Variants in SAV1 observed in about 807,000 individuals in gnomAD.
The protein encoded by SAV1 is salvador family WW domain containing protein 1.
Under a neutral mutation model 47.3 loss-of-function variants are expected in SAV1, and 23 were observed. The ratio of observed to expected loss-of-function variants is 0.49; its 90% CI spans 0.35 to 0.69. The LOEUF is 0.69. SAV1 is among the 30% of genes least tolerant of loss of function. The pLI, the probability that SAV1 is intolerant of heterozygous loss-of-function variation, is 0.01. For synonymous variants in SAV1, 155 were observed against 159.2 expected (o/e 0.97, Z 0.20); for missense variants, 448 against 457.4 (o/e 0.98, Z 0.19).
At chr14:50,660,509 CAT>C (rs137921516) in intron 2 of SAV1, among the ~76,000 whole-genome samples, 2,028 of 152,222 alleles carry the variant, frequency 0.013, 34 homozygotes, top group African/African-American at 0.042. Context: ...ATTATTTGCA[CAT>C]GTTTATGGGG....
rs1414613719 is a variant in SAV1 at position 50,665,474 on chromosome 14, T to C, written c.240A>G (p.Arg80=). 13 of 1,614,024 alleles carry C rather than the reference T, an allele frequency of 8.1e-6. No individual in the cohort carries two copies. The highest frequency in any genetic ancestry group is 1.1e-5 in the Non-Finnish European group (13 of 1,179,920). The change falls in exon 2 of 5, where the codon AGA becomes AGG. Residue 80 remains arginine (R), a synonymous_variant. Coordinates refer to ENST00000324679, the MANE Select transcript of SAV1 (RefSeq NM_021818.4). Reference sequence around the variant, plus strand: ...CTCTTCTCATTATTTCATGAGGTGTTCTTTGAATTGGAGTTCTAAGGAAAC... The same window carrying C: ...CTCTTCTCATTATTTCATGAGGTGTCCTTTGAATTGGAGTTCTAAGGAAAC... ...NQSFLRTPIQ[R]TPHEIMRRES... is the part of the protein sequence containing the mutation.
chr14:50,667,534 T>C (rs1305009756), intron 1 of SAV1: 2 of 486,802 alleles, frequency 4.1e-6, no homozygotes, highest in East Asian at 5.9e-5. Context: ...GTCTAATTAC[T>C]TTTACTCCTA....
intron 2 of SAV1, among the ~76,000 whole-genome samples, chr14:50,658,485 C>T (rs1413735159): frequency 2.0e-5 from 3 of 152,060 alleles, no homozygotes; most frequent in Non-Finnish European, 4.4e-5. Context: ...TACAGCTAAA[C>T]GTAGAACTTT....
intron 2 of SAV1, among the ~76,000 whole-genome samples, chr14:50,659,621 G>C (rs944260818): frequency 6.6e-6 from 1 of 152,212 alleles, no homozygotes; most frequent in Non-Finnish European, 1.5e-5. Flanking sequence ...GGCCAAGGCA[G>C]GCAGATTGCT....
intron 2 of SAV1, among the ~76,000 whole-genome samples, chr14:50,646,870 A>G (rs569679127): frequency 6.6e-6 from 1 of 152,326 alleles, no homozygotes; most frequent in East Asian, 1.9e-4. Flanking sequence ...AAGCTACATT[A>G]ATCAAGACAG....
At chr14:50,660,392 CTT>C (rs1336078355) in intron 2 of SAV1, among the ~76,000 whole-genome samples, 1 of 151,930 alleles carries the variant, frequency 6.6e-6, no homozygotes, top group African/African-American at 2.4e-5. Flanking sequence ...TAATTAAACT[CTT>C]TCTTCTTTAC....
At chr14:50,666,795 AAC>A (rs1354068980) in intron 1 of SAV1, among the ~76,000 whole-genome samples, 12 of 151,414 alleles carry the variant, frequency 7.9e-5, no homozygotes, top group South Asian at 4.5e-4. Context: ...AAAAAAAAAA[AAC>A]AACTTAAAAA....
chr14:50,657,188 C>A (rs1189596079), intron 2 of SAV1, among the ~76,000 whole-genome samples: 1 of 152,132 alleles, frequency 6.6e-6, no homozygotes, highest in Non-Finnish European at 1.5e-5. Context: ...GCACACACCA[C>A]CATGCCCAGC....
chr14:50,633,981 T>TA lies in SAV1; in HGVS notation c.*1201dup, dbSNP rs1421827339. ...AAACTGGGAGGGAAATATATGGTGT[T>TA]AAAGTCCTGTGATAAATACTTAGAA... On this transcript the variant is annotated 3_prime_UTR_variant, in exon 5 of 5. Transcript: ENST00000324679. 4.4e-6 allele frequency: 1 copy of TA among 226,152 alleles called. No homozygotes were observed. The highest frequency in any genetic ancestry group is 9.5e-6 in the Non-Finnish European group (1 of 105,632). 14.0% of individuals were successfully genotyped at this position (226,152 alleles called of 1,614,324 possible).
intron 2 of SAV1, among the ~76,000 whole-genome samples, chr14:50,655,906 A>T (rs373074049): frequency 2.8e-4 from 43 of 152,186 alleles, no homozygotes; most frequent in East Asian, 2.7e-3. Context: ...TTAGCCGGGC[A>T]TGGTGGCATA....
rs1425528761 is a variant in SAV1 at position 50,668,141 on chromosome 14, T to G, written c.-174A>C. On this transcript the variant is annotated 5_prime_UTR_variant, in exon 1 of 5. Coordinates refer to ENST00000324679, the MANE Select transcript of SAV1 (RefSeq NM_021818.4). Reference sequence around the variant, plus strand: ...GTCGCCCGCAGGGACTGCCGCATGTTCAGGGCGCTAAGCGCGCCGGCCGCC... The same window carrying G: ...GTCGCCCGCAGGGACTGCCGCATGTGCAGGGCGCTAAGCGCGCCGGCCGCC... 1 of 338,116 alleles carries G rather than the reference T, an allele frequency of 3.0e-6. No individual in the cohort carries two copies. Among genetic ancestry groups the G allele is most frequent in the Non-Finnish European group, 5.2e-6 (1 of 193,242 alleles). The allele number at this position is 338,116 out of a possible 1,614,324, so 20.9% of individuals were successfully genotyped here. A position where few individuals can be genotyped will look rare whatever the true frequency, so the allele number is the denominator to read the frequency against.
At chr14:50,639,663 A>C (rs2039666013) in intron 4 of SAV1, among the ~76,000 whole-genome samples, 1 of 152,204 alleles carries the variant, frequency 6.6e-6, no homozygotes, top group Non-Finnish European at 1.5e-5. Context: ...TTCTGTAAGA[A>C]ACCAGGAATT....
intron 2 of SAV1, among the ~76,000 whole-genome samples, chr14:50,655,459 C>T (rs2039804601): frequency 1.3e-5 from 2 of 150,878 alleles, no homozygotes. Flanking sequence ...CAGAGTCTAG[C>T]CTCGTCCCCC....
chr14:50,650,738 T>C (rs897092696), intron 2 of SAV1, among the ~76,000 whole-genome samples: 1 of 152,164 alleles, frequency 6.6e-6, no homozygotes, highest in African/African-American at 2.4e-5. Context: ...AGCGGATCTT[T>C]TGGCCGGGCG....
chr14:50,665,928 A>G (rs1404692105), intron 1 of SAV1, among the ~76,000 whole-genome samples: 2 of 152,226 alleles, frequency 1.3e-5, no homozygotes, highest in African/African-American at 4.8e-5. Flanking sequence ...TATGAACTAC[A>G]CATTAATGAA....
chr14:50,641,727 T>C (rs1333745097), intron 3 of SAV1, among the ~76,000 whole-genome samples: 2 of 152,170 alleles, frequency 1.3e-5, no homozygotes, highest in African/African-American at 4.8e-5. Flanking sequence ...GCTGGTATGG[T>C]TGCAAAGAAA....
Position 50,664,973 on chromosome 14 carries a change from G to A in SAV1, c.535+206C>T, listed in dbSNP as rs150230970. 2.5e-3 allele frequency: 1,355 copies of A among 545,754 alleles called. 10 individuals are homozygous for A. Among genetic ancestry groups the A allele is most frequent in the African/African-American group, 0.024 (1,214 of 50,748 alleles). The allele number at this position is 545,754 out of a possible 1,614,324, so 33.8% of individuals were successfully genotyped here. A position where few individuals can be genotyped will look rare whatever the true frequency, so the allele number is the denominator to read the frequency against. ...TAAATACCAAGTTTACATAACATGAGTTAATAAAATAAATGGTCACAAGGA... is the reference window on the plus strand; with the variant it reads ...TAAATACCAAGTTTACATAACATGAATTAATAAAATAAATGGTCACAAGGA... On this transcript the variant is annotated intron_variant, in intron 2 of 4. Coordinates refer to ENST00000324679, the MANE Select transcript of SAV1 (RefSeq NM_021818.4).
At chr14:50,657,510 T>A (rs931102143) in intron 2 of SAV1, among the ~76,000 whole-genome samples, 1 of 152,200 alleles carries the variant, frequency 6.6e-6, no homozygotes, top group East Asian at 1.9e-4. Flanking sequence ...GCAAACCTGT[T>A]ACTAACCATG....
At chr14:50,652,355 T>C (rs980835617) in intron 2 of SAV1, among the ~76,000 whole-genome samples, 1 of 152,230 alleles carries the variant, frequency 6.6e-6, no homozygotes, top group Non-Finnish European at 1.5e-5. Flanking sequence ...TTCCCAGATA[T>C]GTCCATTGAA....
Sources: gnomAD v4.1 joint callset for allele counts (sites outside exome capture counted in the v4.1 genomes callset) on GRCh38, gnomAD v4.1.1 for gene constraint, MANE v1.5 for transcripts, NCBI Gene and HGNC (gene_info 2026-07-23, HGNC 2026-07-21) for gene names.